MOB4: variants seen among roughly 807,000 people sequenced by gnomAD.
MOB4 encodes MOB family member 4, phocein, also known as MOB-like protein phocein.
MOB4 carries 4 observed loss-of-function variants against 32.2 expected under a neutral mutation model. The observed-to-expected ratio is 0.12, with a 90% CI of 0.06 to 0.28. The LOEUF (loss-of-function observed/expected upper bound fraction) is 0.28. Among genes scored for constraint, MOB4 ranks in the 10% least tolerant of loss-of-function variants. MOB4 has a pLI of 1.00. For missense variants in MOB4, 158 were observed against 271.2 expected, an observed-to-expected ratio of 0.58 and a Z score of 2.93; for synonymous variants, 88 against 88.1, an observed-to-expected ratio of 1.00 and a Z score of 0.01.
intron 2 of MOB4, among the ~76,000 whole-genome samples, chr2:197,525,612 A>G (rs2106110215): frequency 6.6e-6 from 1 of 151,146 alleles, no homozygotes; most frequent in East Asian, 2.0e-4. Flanking sequence ...GTGCACCTGT[A>G]GTCCTAGCTA....
chr2:197,523,945 A>G (rs1326539011), intron 2 of MOB4, among the ~76,000 whole-genome samples: 1 of 152,258 alleles, frequency 6.6e-6, no homozygotes, highest in African/African-American at 2.4e-5. Context: ...TTAAAAGTTT[A>G]GTCAACCCTC....
intron 3 of MOB4, 87 bp from the exon 4 acceptor site, chr2:197,540,024 T>C (rs1328257344): frequency 1.4e-6 from 2 of 1,428,610 alleles, no homozygotes; most frequent in Non-Finnish European, 1.9e-6. Flanking sequence ...GGGATGATAC[T>C]GATGGGATTC....
At chr2:197,540,527 G>A (rs2086878852) in intron 5 of MOB4, 90 bp downstream of exon 5, 1 of 1,208,264 alleles carries the variant, frequency 8.3e-7, no homozygotes, top group African/African-American at 1.6e-5. Flanking sequence ...AGGGTTTTTA[G>A]TTCACTGTTC....
At chr2:197,518,516 C>G (rs1356669612) in intron 1 of MOB4, among the ~76,000 whole-genome samples, 1 of 151,592 alleles carries the variant, frequency 6.6e-6, no homozygotes, top group East Asian at 2.0e-4. Flanking sequence ...CCCGCCTGGG[C>G]CTCCCAAAAT....
intron 1 of MOB4, among the ~76,000 whole-genome samples, chr2:197,518,805 G>A (rs2086462808): frequency 6.6e-6 from 1 of 151,616 alleles, no homozygotes. Flanking sequence ...GCCCAGCCTG[G>A]AGTGCAGTGG....
rs1037503452 is a variant in MOB4 at position 197,524,443 on chromosome 2, G to A, written c.123+757G>A. Reference sequence around the variant, plus strand: ...GCTACTCGGGAGGGCTAAGGCAGGAGAATCGTTTAAACCCAAGAGGCGGAG... The same window carrying A: ...GCTACTCGGGAGGGCTAAGGCAGGAAAATCGTTTAAACCCAAGAGGCGGAG... On this transcript the variant is annotated intron_variant, in intron 2 of 7. Transcript: ENST00000323303. 2.0e-5 allele frequency among the ~76,000 whole-genome samples: 3 copies of A among 147,740 alleles called. No individual in the cohort carries two copies. The South Asian group carries it at 6.4e-4, about 32-fold the overall frequency.
At chr2:197,549,238 A>T (rs2106140330) in intron 6 of MOB4, among the ~76,000 whole-genome samples, 1 of 152,078 alleles carries the variant, frequency 6.6e-6, no homozygotes, top group African/African-American at 2.4e-5. Context: ...AAAAAAAAAG[A>T]GCAGACTTTC....
chr2:197,535,287 A>G (rs901539804), intron 2 of MOB4, among the ~76,000 whole-genome samples: 1 of 152,132 alleles, frequency 6.6e-6, no homozygotes, highest in African/African-American at 2.4e-5. Flanking sequence ...GTCCTGACAA[A>G]TACAATATCT....
At chr2:197,519,254 C>T (rs1394755644) in intron 1 of MOB4, among the ~76,000 whole-genome samples, 1 of 152,142 alleles carries the variant, frequency 6.6e-6, no homozygotes, top group Admixed American at 6.6e-5. Flanking sequence ...CTTTATTAAG[C>T]TGAATTTTTG....
chr2:197,515,893 G>A (rs930787981), upstream of MOB4: 88 of 579,484 alleles, frequency 1.5e-4, no homozygotes, highest in Non-Finnish European at 2.4e-4. Flanking sequence ...ACCCGACGCC[G>A]TCCGGCTGTT....
intron 2 of MOB4, among the ~76,000 whole-genome samples, chr2:197,535,031 C>T (rs2106121581): frequency 6.6e-6 from 1 of 152,148 alleles, no homozygotes; most frequent in Admixed American, 6.6e-5. Flanking sequence ...GTTATATTTA[C>T]ATTGCCTATG....
intron 2 of MOB4, among the ~76,000 whole-genome samples, chr2:197,525,167 AACCC>A (rs2086588447): frequency 1.3e-5 from 2 of 151,946 alleles, no homozygotes; most frequent in African/African-American, 2.4e-5. Context: ...AACATGGTGA[AACCC>A]CATCTCTTAC....
intron 2 of MOB4, among the ~76,000 whole-genome samples, chr2:197,526,560 C>T (rs2086615404): frequency 6.6e-6 from 1 of 152,218 alleles, no homozygotes; most frequent in Non-Finnish European, 1.5e-5. Flanking sequence ...TCGTGATCTA[C>T]CTGCCTTGGC....
chr2:197,525,418 CAT>C (rs2086595036), intron 2 of MOB4, among the ~76,000 whole-genome samples: 2 of 151,332 alleles, frequency 1.3e-5, no homozygotes, highest in South Asian at 4.2e-4. Flanking sequence ...ATAAAAGAGA[CAT>C]ATAGTTGAAT....
intron 2 of MOB4, among the ~76,000 whole-genome samples, chr2:197,534,473 C>T (rs1319908329): frequency 6.6e-6 from 1 of 152,026 alleles, no homozygotes; most frequent in Non-Finnish European, 1.5e-5. Flanking sequence ...ATACAAATCC[C>T]TATACAGTTA....
chr2:197,545,446 C>A (rs1006986552), intron 5 of MOB4, among the ~76,000 whole-genome samples: 1 of 152,018 alleles, frequency 6.6e-6, no homozygotes, highest in African/African-American at 2.4e-5. Context: ...TAGTTTTGAT[C>A]TGCAGTTGGT....
chr2:197,524,916 G>C (rs373845745), intron 2 of MOB4, among the ~76,000 whole-genome samples: 1 of 152,052 alleles, frequency 6.6e-6, no homozygotes, highest in Admixed American at 6.5e-5. Flanking sequence ...GACTATAGGC[G>C]CACACTGCCA....
intron 5 of MOB4, among the ~76,000 whole-genome samples, chr2:197,543,084 G>C (rs933192171): frequency 6.6e-6 from 1 of 152,138 alleles, no homozygotes; most frequent in African/African-American, 2.4e-5. Flanking sequence ...CTGAGGTCAG[G>C]AGTTCGAGAC....
chr2:197,536,006 C>T (rs1462201669), intron 3 of MOB4, among the ~76,000 whole-genome samples: 1 of 151,322 alleles, frequency 6.6e-6, no homozygotes, highest in Non-Finnish European at 1.5e-5. Flanking sequence ...TCAAGTGATC[C>T]TCCCACTTCA....
Sources: gnomAD v4.1 joint callset for allele counts (sites outside exome capture counted in the v4.1 genomes callset) on GRCh38, gnomAD v4.1.1 for gene constraint, MANE v1.5 for transcripts, NCBI Gene and HGNC (gene_info 2026-07-23, HGNC 2026-07-21) for gene names.